CERS5: variants seen among roughly 807,000 people sequenced by gnomAD.
CERS5 encodes the protein LAG1 homolog, ceramide synthase 5.
In CERS5, 37 loss-of-function variants were observed where a neutral mutation model predicts 58.9. The ratio of observed to expected loss-of-function variants is 0.63; its 90% CI spans 0.48 to 0.83. CERS5 has a LOEUF of 0.83. Among genes scored for constraint, CERS5 ranks in the 40% least tolerant of loss-of-function variants. The pLI, the probability that CERS5 is intolerant of heterozygous loss-of-function variation, is 0.00. For missense variants in CERS5, 398 were observed against 489.3 expected (o/e 0.81, Z 1.76); for synonymous variants, 147 against 177.8 (o/e 0.83, Z 1.38).
chr12:50,159,840 C>A (rs1939075122), intron 1 of CERS5, among the ~76,000 whole-genome samples: 1 of 152,064 alleles, frequency 6.6e-6, no homozygotes, highest in South Asian at 2.1e-4. Context: ...ATCTGCCCAC[C>A]TCAGCCTCCC....
rs78356000 is a variant in CERS5, at chr12:50,158,480, T to A, written c.197+8621A>T. On this transcript the variant is annotated intron_variant, in intron 1 of 9. Transcript: ENST00000317551. ...GATATGACATATCCTAAGCTTTCAA[T>A]AAATAGATGTTGAAGAATGAACAGA... 2.0e-5 allele frequency among the ~76,000 whole-genome samples: 3 copies of A among 152,310 alleles called. No homozygotes were observed. The East Asian group carries it at 5.8e-4, about 29-fold the overall frequency.
At position 50,143,993 on chromosome 12, in the gene CERS5, G is replaced by T. The variant is rs781293571; in HGVS notation, c.262C>A (p.Pro88Thr). The change falls in exon 2 of 10, where the codon CCC becomes ACC. Residue 88 changes from proline to threonine, a missense_variant. Physicochemically the swap from Pro to Thr is conservative, Grantham distance 38. Transcript: ENST00000317551. Reference protein sequence around the residue: ...IEDSGPYQAQPNAILEKVFIS... With the variant: ...IEDSGPYQAQTNAILEKVFIS... ...AACACCTTTTCAAGGATGGCATTGG[G>T]TTGGGCCTGATAAGGACCACTGTCC... The T allele has an allele frequency of 2.5e-6, 4 of 1,612,882 alleles. No individual in the cohort carries two copies. The highest frequency in any genetic ancestry group is 1.7e-5 in the Admixed American group (1 of 60,026).
At chr12:50,131,558 C>CAAAA (rs752634104) in intron 9 of CERS5, among the ~76,000 whole-genome samples, 1 of 69,810 alleles carries the variant, frequency 1.4e-5, no homozygotes, top group African/African-American at 5.3e-5. Flanking sequence ...GACTCCATCT[C>CAAAA]AAAAAAAAAA....
chr12:50,157,485 A>C (rs764225112), intron 1 of CERS5, among the ~76,000 whole-genome samples: 1 of 151,988 alleles, frequency 6.6e-6, no homozygotes, highest in Non-Finnish European at 1.5e-5. Context: ...GAATGTACAA[A>C]GCACTGCATT....
At chr12:50,147,130 G>A (rs983829906) in intron 1 of CERS5, among the ~76,000 whole-genome samples, 15 of 151,996 alleles carry the variant, frequency 9.9e-5, no homozygotes, top group Admixed American at 8.5e-4. Context: ...TAGGCCAGGC[G>A]CGGTGGCTCA....
At chr12:50,164,607 G>A (rs969018521) in intron 1 of CERS5, among the ~76,000 whole-genome samples, 1 of 152,160 alleles carries the variant, frequency 6.6e-6, no homozygotes, top group East Asian at 1.9e-4. Flanking sequence ...GACAAACAAG[G>A]TGCCTGTCTT....
chr12:50,145,205 AT>A (rs1408200284), intron 1 of CERS5: 1 of 151,486 alleles, frequency 6.6e-6, no homozygotes, highest in Admixed American at 6.6e-5. Flanking sequence ...GATTTCTAAG[AT>A]TTTTTTGTAT....
rs564253560 is a variant in CERS5, at chr12:50,157,798, G to A, written c.197+9303C>T. Among the ~76,000 whole-genome samples the A allele has an allele frequency of 3.9e-5, 6 of 152,232 alleles. 1 individual carries two copies. The South Asian group carries it at 1.0e-3, about 26-fold the overall frequency. On this transcript the variant is annotated intron_variant, in intron 1 of 9. Transcript: ENST00000317551. ...AAATAATCTACTGTAGGCCAGGCATGGTGATTCATGCCAGTAATCTCAGCA... is the reference window on the plus strand; with the variant it reads ...AAATAATCTACTGTAGGCCAGGCATAGTGATTCATGCCAGTAATCTCAGCA...
chr12:50,167,050 G>A, intron 1 of CERS5, 51 bp downstream of exon 1: 1 of 1,378,182 alleles, frequency 7.3e-7, no homozygotes, highest in African/African-American at 1.5e-5. Context: ...CCACAGCGGG[G>A]CGCCCCCGGC....
At chr12:50,154,140 GTCAAGAGA>G (rs1282682519) in intron 1 of CERS5, 1 of 264,910 alleles carries the variant, frequency 3.8e-6, no homozygotes, top group Non-Finnish European at 7.6e-6. Flanking sequence ...AGATCACGAG[GTCAAGAGA>G]TCTAGACCAT....
chr12:50,156,458 G>A (rs1234760571), intron 1 of CERS5, among the ~76,000 whole-genome samples: 1 of 92,770 alleles, frequency 1.1e-5, no homozygotes, highest in African/African-American at 4.3e-5. Context: ...GTAGCCAGGT[G>A]TGGTGGCATG....
chr12:50,141,480 T>TA (rs1951967622), intron 4 of CERS5, among the ~76,000 whole-genome samples: 1 of 152,146 alleles, frequency 6.6e-6, no homozygotes, highest in Admixed American at 6.6e-5. Flanking sequence ...AACCATTAAG[T>TA]ATTATGCTGA....
chr12:50,144,101 T>G, intron 1 of CERS5, 44 bp from the exon 2 acceptor site: 1 of 1,137,948 alleles, frequency 8.8e-7, no homozygotes, highest in Non-Finnish European at 1.3e-6. Flanking sequence ...TTAAAAAAAT[T>G]TTATTTATAG....
chr12:50,138,591 C>T lies in CERS5; in HGVS notation c.519G>A (p.Gln173=). 1 of 1,613,866 alleles carries T rather than the reference C, an allele frequency of 6.2e-7. No homozygotes were observed. Among genetic ancestry groups the T allele is most frequent in the Non-Finnish European group, 8.5e-7 (1 of 1,179,802 alleles). ...CCTGAAATGGATAGTTATGCCAGCA[C>T]TGTCGGATGTCCCAGAACCAAGGTG... The part of the protein sequence containing the change: ...WSSPWFWDIR[Q]CWHNYPFQPL... Residue 173 remains glutamine (Q), a synonymous_variant, in exon 5 of 10, where the codon CAG becomes CAA. Coordinates refer to ENST00000317551, the MANE Select transcript of CERS5 (RefSeq NM_147190.5).
chr12:50,155,336 C>T (rs1406048926), intron 1 of CERS5, among the ~76,000 whole-genome samples: 1 of 151,924 alleles, frequency 6.6e-6, no homozygotes, highest in African/African-American at 2.4e-5. Flanking sequence ...AAGAGGATTC[C>T]TTGTATACAA....
intron 1 of CERS5, among the ~76,000 whole-genome samples, chr12:50,151,285 CT>C (rs1293659206): frequency 6.6e-6 from 1 of 152,156 alleles, no homozygotes; most frequent in African/African-American, 2.4e-5. Flanking sequence ...CTTTTCAGTC[CT>C]TTATCTTACT....
chr12:50,140,522 C>A (rs1339467475), intron 4 of CERS5, among the ~76,000 whole-genome samples: 1 of 151,966 alleles, frequency 6.6e-6, no homozygotes, highest in South Asian at 2.1e-4. Flanking sequence ...TGAACTCAGG[C>A]AACCTGCCTG....
At chr12:50,141,696 T>A (rs1951976724) in intron 4 of CERS5, among the ~76,000 whole-genome samples, 1 of 152,006 alleles carries the variant, frequency 6.6e-6, no homozygotes, top group African/African-American at 2.4e-5. Context: ...CCTGGCACTT[T>A]GGGAGGCCAA....
rs1371394837 is a variant in CERS5, at chr12:50,134,681, A to G, written c.894T>C (p.Phe298=). 6.2e-7 allele frequency: 1 copy of G among 1,613,304 alleles called. No individual in the cohort carries two copies. Among genetic ancestry groups the G allele is most frequent in the Admixed American group, 1.7e-5 (1 of 59,988 alleles). The change falls in exon 9 of 10, where the codon TTT becomes TTC. Residue 298 remains phenylalanine (F), a synonymous_variant. Transcript: ENST00000317551. ...AAGGCCCGATTATCTCCCAACTCTC[A>G]AAGAGGGTCGTGTTCAGAATCCTAG... is the stretch of plus-strand genomic sequence containing the variant. The part of the protein sequence containing the change: ...YPFWILNTTL[F]ESWEIIGPYA...
Sources: allele counts gnomAD v4.1 joint callset (sites outside exome capture counted in the v4.1 genomes callset), GRCh38; gene constraint gnomAD v4.1.1; transcripts MANE v1.5; gene names NCBI Gene and HGNC (gene_info 2026-07-23, HGNC 2026-07-21).